Variants in NLGN4Y observed in about 807,000 individuals in gnomAD.
The protein encoded by NLGN4Y is neuroligin-4, Y-linked.
In NLGN4Y, 4 loss-of-function variants were observed where a neutral mutation model predicts 8.4. That is an observed-to-expected ratio of 0.48 (90% CI 0.23 to 1.09). The LOEUF (loss-of-function observed/expected upper bound fraction) is 1.09, where lower values mean the gene tolerates loss of function less well. Among genes scored for constraint, NLGN4Y ranks in the 50% least tolerant of loss-of-function variants. The pLI is 0.19. For missense variants in NLGN4Y, 90 were observed against 192.3 expected, an observed-to-expected ratio of 0.47 and a Z score of 3.15; for synonymous variants, 35 against 75.6, an observed-to-expected ratio of 0.46 and a Z score of 2.78.
chrY:14,547,734 T>G (rs2080177542), intron 1 of NLGN4Y, among the ~76,000 whole-genome samples: 3 of 33,706 alleles, frequency 8.9e-5, no homozygotes, highest in Non-Finnish European at 2.2e-4. Flanking sequence ...TGCAGAATTA[T>G]TAAAGAATAT....
intron 2 of NLGN4Y, among the ~76,000 whole-genome samples, chrY:14,673,976 A>G (rs2080735445): frequency 2.8e-4 from 8 of 28,539 alleles, no homozygotes; most frequent in Admixed American, 2.7e-3. Flanking sequence ...ATAGGTGGGA[A>G]TTGAACAATG....
intron 1 of NLGN4Y, among the ~76,000 whole-genome samples, chrY:14,538,751 G>A (rs2080140288): frequency 3.0e-5 from 1 of 33,002 alleles, no homozygotes; most frequent in African/African-American, 1.2e-4. Flanking sequence ...TGTCTGTGAT[G>A]GGAACTTTGT....
chrY:14,566,665 G>A, intron 1 of NLGN4Y, among the ~76,000 whole-genome samples: 1 of 33,411 alleles, frequency 3.0e-5, no homozygotes, highest in Non-Finnish European at 7.4e-5. Context: ...TCTGGACCAA[G>A]TGGATCTAAT....
At chrY:14,554,881 C>T (rs2080206164) in intron 1 of NLGN4Y, among the ~76,000 whole-genome samples, 4 of 32,791 alleles carry the variant, frequency 1.2e-4, no homozygotes, top group Admixed American at 5.6e-4. Flanking sequence ...CCTCTGAGTG[C>T]GAAAGTATCA....
chrY:14,578,836 T>C, intron 1 of NLGN4Y, among the ~76,000 whole-genome samples: 1 of 33,901 alleles, frequency 2.9e-5, no homozygotes, highest in Non-Finnish European at 7.3e-5. Context: ...ATAGAATGCT[T>C]CATGTTTTCA....
At chrY:14,656,534 C>T in intron 2 of NLGN4Y, among the ~76,000 whole-genome samples, 1 of 28,310 alleles carries the variant, frequency 3.5e-5, no homozygotes, top group Non-Finnish European at 8.3e-5. Flanking sequence ...TTGCAGTGCC[C>T]CGAGATCACA....
chrY:14,658,317 AT>A (rs2080661833), intron 2 of NLGN4Y, among the ~76,000 whole-genome samples: 1 of 33,819 alleles, frequency 3.0e-5, no homozygotes, highest in Non-Finnish European at 7.3e-5. Flanking sequence ...TTATCAATGT[AT>A]TTGTTCATAA....
At chrY:14,698,788 T>G in intron 2 of NLGN4Y, among the ~76,000 whole-genome samples, 1 of 32,731 alleles carries the variant, frequency 3.1e-5, no homozygotes, top group Non-Finnish European at 7.5e-5. Flanking sequence ...ATTTTTAAAT[T>G]TAAGCATATT....
intron 1 of NLGN4Y, among the ~76,000 whole-genome samples, chrY:14,569,119 AT>A (rs756817826): frequency 6.2e-5 from 2 of 32,042 alleles, no homozygotes; most frequent in East Asian, 8.2e-4. Flanking sequence ...GATGGAGACC[AT>A]TTTTTTTTCT....
intron 2 of NLGN4Y, among the ~76,000 whole-genome samples, chrY:14,630,879 C>T: frequency 3.1e-5 from 1 of 32,396 alleles, no homozygotes; most frequent in Non-Finnish European, 7.5e-5. Context: ...TGTCCCTGAG[C>T]GGGATCTTGC....
chrY:14,523,828 C>T, upstream of NLGN4Y: 3 of 74,405 alleles, frequency 4.0e-5, no homozygotes, highest in South Asian at 2.3e-4. Flanking sequence ...ATTGATTAGA[C>T]CTGGCATGGC....
intron 4 of NLGN4Y, among the ~76,000 whole-genome samples, chrY:14,797,957 A>G (rs897190165): frequency 2.4e-4 from 8 of 33,728 alleles, no homozygotes; most frequent in African/African-American, 9.2e-4. Context: ...ATTCTTTCAT[A>G]GGTGTTTTCT....
At chrY:14,667,473 T>C (rs776225908) in intron 2 of NLGN4Y, among the ~76,000 whole-genome samples, 1 of 32,649 alleles carries the variant, frequency 3.1e-5, no homozygotes, top group East Asian at 8.1e-4. Context: ...CACACACACA[T>C]ACATGCAGGG....
chrY:14,687,934 C>T (rs910628414), intron 2 of NLGN4Y, among the ~76,000 whole-genome samples: 2 of 33,409 alleles, frequency 6.0e-5, no homozygotes, highest in African/African-American at 2.3e-4. Flanking sequence ...AGTTAGAATA[C>T]TGATGCAAGA....
chrY:14,729,062 C>T (rs2080963552), intron 4 of NLGN4Y, among the ~76,000 whole-genome samples: 2 of 33,216 alleles, frequency 6.0e-5, no homozygotes, highest in African/African-American at 2.3e-4. Context: ...TAGAAACTCA[C>T]GTAACTTTTA....
At chrY:14,758,678 C>T in intron 4 of NLGN4Y, among the ~76,000 whole-genome samples, 1 of 33,026 alleles carries the variant, frequency 3.0e-5, no homozygotes, top group African/African-American at 1.2e-4. Flanking sequence ...TGTCACCATG[C>T]TGGAATGTAG....
chrY:14,597,661 G>A (rs2080407924), intron 1 of NLGN4Y, among the ~76,000 whole-genome samples: 2 of 31,044 alleles, frequency 6.4e-5, no homozygotes, highest in South Asian at 1.5e-3. Context: ...AGAGAGTGCC[G>A]ATTGGTGTAT....
chrY:14,841,174 G>C lies in NLGN4Y; in HGVS notation c.2423G>C (p.Gly808Ala), dbSNP rs1409343485. The change falls in exon 7 of 7, where the codon GGG becomes GCG. Residue 808 changes from glycine (G) to alanine (A), a missense_variant. Around this residue, in one of 4 missense-constraint regions of NLGN4Y, gnomAD observed 37 missense variants for 94.0 expected, o/e 0.39. Transcript: ENST00000684976. ...TITMIPNTLM[G>A]MQPLHTFKTF... The stretch of plus-strand genomic sequence containing the variant: ...ACCATGATTCCAAACACATTGATGG[G>C]GATGCAGCCTTTACACACTTTTAAA... The C allele has an allele frequency of 7.5e-6, 3 of 398,212 alleles. No homozygotes were observed. Among genetic ancestry groups the C allele is most frequent in the Admixed American group, 7.4e-5 (1 of 13,441 alleles).
intron 4 of NLGN4Y, among the ~76,000 whole-genome samples, chrY:14,784,066 C>A (rs2042952026): frequency 2.9e-5 from 1 of 34,045 alleles, no homozygotes; most frequent in African/African-American, 1.1e-4. Context: ...AAACAAAATA[C>A]CTTTGTTCAC....
Sources: allele counts gnomAD v4.1 joint callset (sites outside exome capture counted in the v4.1 genomes callset), GRCh38; gene constraint gnomAD v4.1.1; regional missense constraint gnomAD v4.1.1; transcripts MANE v1.5; gene names NCBI Gene and HGNC (gene_info 2026-07-23, HGNC 2026-07-21).